The following MSH4 variants were observed in gnomAD, a reference collection of about 807,000 sequenced individuals.
MSH4 encodes the protein mutS protein homolog 4.
A neutral mutation model predicts 113.7 loss-of-function variants in MSH4; 106 were observed. The observed-to-expected ratio is 0.93, with a 90% CI of 0.80 to 1.10. The LOEUF is 1.10. MSH4 is among the 50% of genes least tolerant of loss of function. MSH4 has a pLI of 0.00. For synonymous variants in MSH4, 368 were observed against 380.2 expected (o/e 0.97, Z 0.37); for missense variants, 1,061 against 1,093.7 (o/e 0.97, Z 0.42).
intron 5 of MSH4, among the ~76,000 whole-genome samples, chr1:75,816,133 A>C (rs1650287080): frequency 6.6e-6 from 1 of 152,224 alleles, no homozygotes; most frequent in Admixed American, 6.5e-5. Flanking sequence ...ATTTATCGGA[A>C]TTTAAAGTCC....
chr1:75,845,238 C>G (rs1488893510), intron 7 of MSH4, among the ~76,000 whole-genome samples: 1 of 152,188 alleles, frequency 6.6e-6, no homozygotes, highest in African/African-American at 2.4e-5. Flanking sequence ...AAAATACATT[C>G]ATTTCATCCC....
At chr1:75,900,397 G>A (rs1221989970) in intron 19 of MSH4, among the ~76,000 whole-genome samples, 1 of 152,066 alleles carries the variant, frequency 6.6e-6, no homozygotes, top group Non-Finnish European at 1.5e-5. Context: ...CGCCTCCTGG[G>A]TTTAAGCGAT....
chr1:75,856,450 C>G (rs902068126), intron 8 of MSH4, among the ~76,000 whole-genome samples: 2 of 152,138 alleles, frequency 1.3e-5, no homozygotes, highest in Admixed American at 6.6e-5. Context: ...CCCTCCACCC[C>G]CGACAGGCCC....
chr1:75,812,778 A>G (rs578050250), intron 4 of MSH4, among the ~76,000 whole-genome samples: 92 of 152,310 alleles, frequency 6.0e-4, no homozygotes, highest in African/African-American at 2.1e-3. Flanking sequence ...GATAGGAGAC[A>G]GGGACCCTAT....
rs867492058 is a variant in MSH4, at chr1:75,885,388, A to G, written c.2107+1567A>G. On this transcript the variant is annotated intron_variant, in intron 15 of 19. Transcript: ENST00000263187. ...ATGTAACATTTTGGTTTTCACATAT[A>G]CTTTCACCCTTTTCCTCCACCTCCC... Among the ~76,000 whole-genome samples, 8 of 131,324 alleles carry G rather than the reference A, an allele frequency of 6.1e-5. 1 individual carries two copies. In the Middle Eastern group the frequency reaches 0.023, roughly 373 times the overall value. The allele number at this position is 131,324 out of a possible 152,430, so 86.2% of individuals were successfully genotyped here. A position where few individuals can be genotyped will look rare whatever the true frequency, so the allele number is the denominator to read the frequency against.
chr1:75,862,611 C>G (rs1211733000), intron 8 of MSH4, among the ~76,000 whole-genome samples: 1 of 152,108 alleles, frequency 6.6e-6, no homozygotes, highest in Non-Finnish European at 1.5e-5. Context: ...TGATTCATGG[C>G]CTTCATTATT....
chr1:75,912,595 A>G, intron 19 of MSH4, 101 bp from the exon 20 acceptor site: 1 of 694,832 alleles, frequency 1.4e-6, no homozygotes, highest in Non-Finnish European at 2.1e-6. Context: ...CTTGAGTTCC[A>G]TATGTCTATG....
chr1:75,858,853 T>C lies in MSH4; in HGVS notation c.1231-8661T>C, dbSNP rs189986799. 1.2e-4 allele frequency among the ~76,000 whole-genome samples: 19 copies of C among 152,320 alleles called. No individual in the cohort carries two copies. In the East Asian group the frequency reaches 3.7e-3, roughly 29 times the overall value. ...TCAGAAGGAATGGTCCCAGCTCCTC[T>C]TTGTACCTCTGGTAGAATTTGGCTA... On this transcript the variant is annotated intron_variant, in intron 8 of 19. Transcript: ENST00000263187.
chr1:75,810,188 AAT>A (rs1299539078), intron 3 of MSH4, among the ~76,000 whole-genome samples: 1 of 150,268 alleles, frequency 6.7e-6, no homozygotes, highest in Non-Finnish European at 1.5e-5. Context: ...TACCATTAGA[AAT>A]ATATATACAT....
At chr1:75,905,434 T>C (rs1015499109) in intron 19 of MSH4, among the ~76,000 whole-genome samples, 4 of 152,144 alleles carry the variant, frequency 2.6e-5, no homozygotes, top group Non-Finnish European at 5.9e-5. Flanking sequence ...TTCGACATTT[T>C]TGAATTTATT....
At chr1:75,898,810 A>T (rs1312498819) in intron 18 of MSH4, among the ~76,000 whole-genome samples, 1 of 152,172 alleles carries the variant, frequency 6.6e-6, no homozygotes, top group Non-Finnish European at 1.5e-5. Context: ...TGACCCTTTG[A>T]GGGAAAAAAA....
At chr1:75,813,720 A>G (rs972058170) in intron 4 of MSH4, among the ~76,000 whole-genome samples, 4 of 148,926 alleles carry the variant, frequency 2.7e-5, no homozygotes, top group African/African-American at 9.8e-5. Context: ...CCATAAGAAG[A>G]CCTTCATTAG....
intron 8 of MSH4, among the ~76,000 whole-genome samples, chr1:75,860,550 T>C (rs946268471): frequency 1.3e-5 from 2 of 152,248 alleles, no homozygotes; most frequent in Non-Finnish European, 2.9e-5. Context: ...TATGAAATTA[T>C]GGGTTGAAAA....
intron 14 of MSH4, 151 bp downstream of exon 14, chr1:75,881,521 G>A (rs1168040659): frequency 3.8e-6 from 3 of 785,594 alleles, no homozygotes; most frequent in Non-Finnish European, 3.7e-6. Flanking sequence ...AATAAAGAAA[G>A]TGAGATTACC....
intron 14 of MSH4, 121 bp downstream of exon 14, chr1:75,881,491 G>A: frequency 4.2e-6 from 4 of 962,594 alleles, no homozygotes; most frequent in Non-Finnish European, 4.5e-6. Context: ...TCTTGCCTCT[G>A]GTCCTAGACT....
Position 75,845,884 on chromosome 1 carries a change from C to T in MSH4, c.1163-2325C>T, listed in dbSNP as rs556202863. 2.1e-4 allele frequency among the ~76,000 whole-genome samples: 32 copies of T among 152,260 alleles called. 1 individual carries two copies. In the South Asian group the frequency reaches 6.6e-3, roughly 32 times the overall value. On this transcript the variant is annotated intron_variant, in intron 7 of 19. Coordinates refer to ENST00000263187, the MANE Select transcript of MSH4 (RefSeq NM_002440.4). ...CCCCATGATAAGTCTCTGCCTGGGC[C>T]CCAGGCTGTCCTCAACATCCTTTGA...
chr1:75,832,971 A>G (rs1043624730), intron 7 of MSH4, among the ~76,000 whole-genome samples: 52 of 152,278 alleles, frequency 3.4e-4, no homozygotes, highest in African/African-American at 1.1e-3. Flanking sequence ...AGGGTATTCA[A>G]TTAGGAAAAG....
chr1:75,878,470 A>T (rs1651861917), intron 11 of MSH4, 152 bp downstream of exon 11: 1 of 633,402 alleles, frequency 1.6e-6, no homozygotes, highest in Admixed American at 3.7e-5. Flanking sequence ...CCATTTAAGG[A>T]AACAGCATAT....
At chr1:75,840,975 A>T (rs5745391) in intron 7 of MSH4, among the ~76,000 whole-genome samples, 10,943 of 152,226 alleles carry the variant, frequency 0.072, 519 homozygotes, top group African/African-American at 0.13. Flanking sequence ...GCTTTGTCTT[A>T]AAAGAAGGAG....
Sources: gnomAD v4.1 joint callset for allele counts (sites outside exome capture counted in the v4.1 genomes callset) on GRCh38, gnomAD v4.1.1 for gene constraint, MANE v1.5 for transcripts, NCBI Gene and HGNC (gene_info 2026-07-23, HGNC 2026-07-21) for gene names.